Variants in DNAH9 observed in about 807,000 individuals in gnomAD.
The protein encoded by DNAH9 is DNAH9 variant protein.
A neutral mutation model predicts 471.6 loss-of-function variants in DNAH9; 345 were observed. That is an observed-to-expected ratio of 0.73 (90% CI 0.67 to 0.80). The LOEUF (loss-of-function observed/expected upper bound fraction) is 0.80, where lower values mean the gene tolerates loss of function less well. DNAH9 is among the 30% of genes least tolerant of loss of function. The pLI, the probability that DNAH9 is intolerant of heterozygous loss-of-function variation, is 0.00. For synonymous variants in DNAH9, 2,093 were observed against 2,123.6 expected (o/e 0.99, Z 0.40); for missense variants, 5,407 against 5,609.2 (o/e 0.96, Z 1.15).
At chr17:11,773,494 A>T (rs915087942) in intron 38 of DNAH9, among the ~76,000 whole-genome samples, 1 of 152,156 alleles carries the variant, frequency 6.6e-6, no homozygotes, top group Admixed American at 6.5e-5. Flanking sequence ...TCCAAACTGT[A>T]TCTTGTTTAA....
intron 45 of DNAH9, among the ~76,000 whole-genome samples, chr17:11,813,537 C>T (rs1313524783): frequency 5.9e-5 from 9 of 152,134 alleles, no homozygotes; most frequent in African/African-American, 2.2e-4. Flanking sequence ...ACTAGGAAAC[C>T]ATAACTTAGA....
intron 67 of DNAH9, 29 bp from the exon 68 acceptor site, chr17:11,961,838 G>A (rs747883865): frequency 6.4e-6 from 10 of 1,568,004 alleles, no homozygotes; most frequent in African/African-American, 4.1e-5. Flanking sequence ...ACCTTCTCAC[G>A]CTTTCCCCCT....
At chr17:11,869,476 C>A (rs1972182705) in intron 51 of DNAH9, among the ~76,000 whole-genome samples, 1 of 152,186 alleles carries the variant, frequency 6.6e-6, no homozygotes, top group Admixed American at 6.5e-5. Context: ...AGGATGGGAG[C>A]ACTGGATCTA....
At chr17:11,718,001 G>A (rs1199073299) in intron 26 of DNAH9, among the ~76,000 whole-genome samples, 7 of 151,888 alleles carry the variant, frequency 4.6e-5, no homozygotes, top group African/African-American at 1.7e-4. Context: ...AGCCCACCAA[G>A]TAGCTGGAAT....
rs796221893 is a variant in DNAH9, at chr17:11,778,330, A to G, written c.7553-2679A>G. 5.1e-4 allele frequency among the ~76,000 whole-genome samples: 17 copies of G among 33,206 alleles called. No individual in the cohort carries two copies. The African/African-American group carries it at 7.6e-3, about 15-fold the overall frequency. 21.8% of individuals were successfully genotyped at this position (33,206 alleles called of 152,430 possible). ...GGGCGACAGAGTGAGACTCCATCTC[A>G]AAAAAAAAAAAAAAAAAAAAAAAAA... On this transcript the variant is annotated intron_variant, in intron 38 of 68. Transcript: ENST00000262442.
chr17:11,939,879 GATGGATGA>G (rs1393886831), intron 66 of DNAH9, among the ~76,000 whole-genome samples: 2 of 151,870 alleles, frequency 1.3e-5, no homozygotes, highest in East Asian at 1.9e-4. Flanking sequence ...ATAGATAATT[GATGGATGA>G]ATGGATGGAT....
intron 41 of DNAH9, among the ~76,000 whole-genome samples, chr17:11,790,805 A>T (rs1969037401): frequency 6.6e-6 from 1 of 152,118 alleles, no homozygotes; most frequent in Non-Finnish European, 1.5e-5. Context: ...TTAGCATAGT[A>T]TACATCCTTT....
At chr17:11,733,590 G>A (rs2075300961) in intron 28 of DNAH9, among the ~76,000 whole-genome samples, 1 of 152,180 alleles carries the variant, frequency 6.6e-6, no homozygotes, top group Admixed American at 6.5e-5. Flanking sequence ...GGTGGCTCAC[G>A]CCTGTAATCC....
At chr17:11,761,076 G>C (rs967229239) in intron 35 of DNAH9, among the ~76,000 whole-genome samples, 1 of 152,188 alleles carries the variant, frequency 6.6e-6, no homozygotes, top group Non-Finnish European at 1.5e-5. Context: ...ATTTCCTACT[G>C]TTCCTTTAAA....
chr17:11,783,964 C>T (rs756712382), intron 40 of DNAH9, among the ~76,000 whole-genome samples: 2 of 152,104 alleles, frequency 1.3e-5, no homozygotes, highest in Non-Finnish European at 2.9e-5. Flanking sequence ...GATTTGATCC[C>T]TCTTTCTTCA....
intron 45 of DNAH9, among the ~76,000 whole-genome samples, chr17:11,821,321 A>G (rs1000413537): frequency 4.6e-5 from 7 of 151,452 alleles, no homozygotes; most frequent in African/African-American, 9.7e-5. Flanking sequence ...ACATCTAACC[A>G]TAATTTTTTC....
At chr17:11,873,160 T>C (rs1421177008) in intron 52 of DNAH9, among the ~76,000 whole-genome samples, 1 of 152,208 alleles carries the variant, frequency 6.6e-6, no homozygotes, top group Non-Finnish European at 1.5e-5. Flanking sequence ...GTTTGACTCA[T>C]CCTAAACACT....
At chr17:11,791,928 A>G (rs1969080579) in intron 41 of DNAH9, among the ~76,000 whole-genome samples, 1 of 152,288 alleles carries the variant, frequency 6.6e-6, no homozygotes, top group South Asian at 2.1e-4. Flanking sequence ...TTGCAGGATC[A>G]GAACATAATA....
intron 14 of DNAH9, among the ~76,000 whole-genome samples, chr17:11,657,326 T>C (rs2073670194): frequency 6.6e-6 from 1 of 152,148 alleles, no homozygotes; most frequent in Non-Finnish European, 1.5e-5. Flanking sequence ...ATTTATACTT[T>C]TGAATATTTT....
chr17:11,625,076 G>GCACACA (rs3039431), intron 6 of DNAH9, among the ~76,000 whole-genome samples: 1 of 149,960 alleles, frequency 6.7e-6, no homozygotes, highest in Non-Finnish European at 1.5e-5. Context: ...ATGCATCAGT[G>GCACACA]CACACACACA....
intron 26 of DNAH9, among the ~76,000 whole-genome samples, chr17:11,715,921 C>T (rs2074951869): frequency 6.6e-6 from 1 of 151,972 alleles, no homozygotes; most frequent in Admixed American, 6.6e-5. Context: ...ATCAGAGGAG[C>T]TGATTTGGGT....
At chr17:11,689,497 T>C in intron 19 of DNAH9, 69 bp from the exon 20 acceptor site, 1 of 1,328,094 alleles carries the variant, frequency 7.5e-7, no homozygotes, top group East Asian at 2.3e-5. Flanking sequence ...AGCTGGTTGC[T>C]ACCTTAGAGA....
chr17:11,893,608 C>T (rs1444366784), intron 58 of DNAH9, among the ~76,000 whole-genome samples: 1 of 152,100 alleles, frequency 6.6e-6, no homozygotes, highest in East Asian at 1.9e-4. Flanking sequence ...AGCAAACTAA[C>T]ACAGGAACAG....
chr17:11,876,464 T>C (rs147862929), intron 53 of DNAH9, among the ~76,000 whole-genome samples: 246 of 151,106 alleles, frequency 1.6e-3, no homozygotes, highest in African/African-American at 5.3e-3. Flanking sequence ...TAAAATAAAA[T>C]TGAAGTTAAA....
Sources: allele counts gnomAD v4.1 joint callset (sites outside exome capture counted in the v4.1 genomes callset), GRCh38; gene constraint gnomAD v4.1.1; transcripts MANE v1.5; gene names NCBI Gene and HGNC (gene_info 2026-07-23, HGNC 2026-07-21).